KCND2: variants seen among roughly 807,000 people sequenced by gnomAD.
KCND2 encodes the protein potassium voltage-gated channel subfamily D member 2.
KCND2 carries 16 observed loss-of-function variants against 54.4 expected under a neutral mutation model. That is an observed-to-expected ratio of 0.29 (90% confidence interval 0.20 to 0.45). The LOEUF is 0.45. Among genes scored for constraint, KCND2 ranks in the 20% least tolerant of loss-of-function variants. The pLI, the probability that KCND2 is intolerant of heterozygous loss-of-function variation, is 1.00. For missense variants in KCND2, 486 were observed against 824.2 expected (o/e 0.59, Z 5.02); for synonymous variants, 317 against 310.7 (o/e 1.02, Z -0.21).
chr7:120,303,944 A>C (rs970038805), intron 1 of KCND2, among the ~76,000 whole-genome samples: 1 of 152,160 alleles, frequency 6.6e-6, no homozygotes, highest in Non-Finnish European at 1.5e-5. Context: ...ACCAGCATAG[A>C]GTTAGTGCTC....
chr7:120,410,427 T>C (rs907763746), intron 1 of KCND2, among the ~76,000 whole-genome samples: 3 of 152,008 alleles, frequency 2.0e-5, no homozygotes, highest in Non-Finnish European at 4.4e-5. Flanking sequence ...TATAAAAATA[T>C]GTTGAAATTT....
At chr7:120,719,751 C>T (rs1014703212) in intron 1 of KCND2, among the ~76,000 whole-genome samples, 4 of 152,112 alleles carry the variant, frequency 2.6e-5, no homozygotes, top group East Asian at 1.9e-4. Context: ...CAGTTGAACC[C>T]GGAATAGTAT....
intron 1 of KCND2, among the ~76,000 whole-genome samples, chr7:120,387,906 A>C (rs1300786558): frequency 6.6e-6 from 1 of 152,056 alleles, no homozygotes; most frequent in African/African-American, 2.4e-5. Context: ...ATTCCAAACA[A>C]ACACAAATCA....
intron 1 of KCND2, among the ~76,000 whole-genome samples, chr7:120,302,262 T>G (rs556276573): frequency 6.6e-6 from 1 of 152,282 alleles, no homozygotes; most frequent in East Asian, 1.9e-4. Flanking sequence ...ATTTTTTGTT[T>G]GTTTGTTGTT....
intron 1 of KCND2, among the ~76,000 whole-genome samples, chr7:120,714,796 T>C (rs1226886959): frequency 6.6e-6 from 1 of 151,950 alleles, no homozygotes; most frequent in Non-Finnish European, 1.5e-5. Flanking sequence ...TGCCTCCACA[T>C]AAACCCTCCA....
At chr7:120,559,694 A>C (rs1792210036) in intron 1 of KCND2, among the ~76,000 whole-genome samples, 2 of 152,330 alleles carry the variant, frequency 1.3e-5, no homozygotes, top group Non-Finnish European at 2.9e-5. Flanking sequence ...TTACAATATA[A>C]TAGTTTATGC....
At chr7:120,611,107 T>G (rs565041342) in intron 1 of KCND2, among the ~76,000 whole-genome samples, 2 of 152,352 alleles carry the variant, frequency 1.3e-5, no homozygotes, top group Admixed American at 6.5e-5. Context: ...CTTGAAGTCA[T>G]GTACTGCACC....
At chr7:120,314,516 T>C (rs1343952541) in intron 1 of KCND2, among the ~76,000 whole-genome samples, 1 of 152,160 alleles carries the variant, frequency 6.6e-6, no homozygotes, top group Non-Finnish European at 1.5e-5. Flanking sequence ...ATTTCATACA[T>C]TTTATTGTGT....
At chr7:120,731,903 G>A (rs779538814) in intron 1 of KCND2, among the ~76,000 whole-genome samples, 3 of 152,126 alleles carry the variant, frequency 2.0e-5, no homozygotes, top group South Asian at 4.1e-4. Flanking sequence ...AATTATAAGT[G>A]GCAGAATTGT....
At chr7:120,494,877 A>T (rs1387668780) in intron 1 of KCND2, among the ~76,000 whole-genome samples, 1 of 152,182 alleles carries the variant, frequency 6.6e-6, no homozygotes, top group East Asian at 1.9e-4. Context: ...ACCTAATGGA[A>T]TCATTTAAAC....
intron 1 of KCND2, among the ~76,000 whole-genome samples, chr7:120,512,334 C>T (rs1037103079): frequency 6.6e-6 from 1 of 151,512 alleles, no homozygotes; most frequent in African/African-American, 2.4e-5. Flanking sequence ...TTAACTATTA[C>T]ATATAAACAT....
In KCND2 at chr7:120,355,783, G is replaced by A. The variant is rs550536813; in HGVS notation, c.1115+80036G>A. On this transcript the variant is annotated intron_variant, in intron 1 of 5. Coordinates refer to ENST00000331113, the MANE Select transcript of KCND2 (RefSeq NM_012281.3). ...AACCATCATAACTAGGGGACTGTCTGTATCTTCTGTGAGGAAATTCATGCA... is the reference window on the plus strand; with the variant it reads ...AACCATCATAACTAGGGGACTGTCTATATCTTCTGTGAGGAAATTCATGCA... 5.9e-5 allele frequency among the ~76,000 whole-genome samples: 9 copies of A among 152,272 alleles called. No individual in the cohort carries two copies. In the East Asian group the frequency reaches 1.7e-3, roughly 29 times the overall value.
intron 1 of KCND2, among the ~76,000 whole-genome samples, chr7:120,558,315 G>A (rs545636710): frequency 4.6e-5 from 7 of 152,224 alleles, no homozygotes; most frequent in South Asian, 4.1e-4. Flanking sequence ...AAGGAGAGGC[G>A]TTGCAATCAT....
intron 1 of KCND2, among the ~76,000 whole-genome samples, chr7:120,463,763 C>T (rs1367570996): frequency 6.6e-6 from 1 of 152,032 alleles, no homozygotes. Context: ...TTATATTATT[C>T]CTAGAAAAGG....
chr7:120,640,672 T>TAAAAAAAAAAA, intron 1 of KCND2, among the ~76,000 whole-genome samples: 1 of 152,206 alleles, frequency 6.6e-6, no homozygotes, highest in African/African-American at 2.4e-5. Context: ...TTTCTTACTT[T>TAAAAAAAAAAA]AAAAGGAATA....
chr7:120,645,528 A>G (rs1237580822), intron 1 of KCND2, among the ~76,000 whole-genome samples: 1 of 152,234 alleles, frequency 6.6e-6, no homozygotes, highest in African/African-American at 2.4e-5. Flanking sequence ...CCACATGACA[A>G]GTGGCATGCT....
chr7:120,460,852 T>G (rs751594140), intron 1 of KCND2, among the ~76,000 whole-genome samples: 7 of 152,152 alleles, frequency 4.6e-5, no homozygotes, highest in Non-Finnish European at 1.0e-4. Context: ...CTTGGCACAC[T>G]TCTGTACAAA....
intron 2 of KCND2, among the ~76,000 whole-genome samples, chr7:120,737,163 G>A (rs1426120461): frequency 2.0e-5 from 3 of 151,222 alleles, no homozygotes; most frequent in East Asian, 3.9e-4. Flanking sequence ...GTTAGAACCT[G>A]AAATTTTGCT....
chr7:120,531,289 GT>G (rs1383154408), intron 1 of KCND2, among the ~76,000 whole-genome samples: 4 of 152,012 alleles, frequency 2.6e-5, no homozygotes, highest in Non-Finnish European at 5.9e-5. Flanking sequence ...TCAATTATAA[GT>G]TTATAATTCT....
Sources: allele counts gnomAD v4.1 joint callset (sites outside exome capture counted in the v4.1 genomes callset), GRCh38; gene constraint gnomAD v4.1.1; transcripts MANE v1.5; gene names NCBI Gene and HGNC (gene_info 2026-07-23, HGNC 2026-07-21).